The following NOL10 variants were observed in gnomAD, a reference collection of about 807,000 sequenced individuals.
The protein encoded by NOL10 is nucleolar protein 10.
A neutral mutation model predicts 103.5 loss-of-function variants in NOL10; 58 were observed. The observed-to-expected ratio is 0.56, with a 90% CI of 0.45 to 0.70. The LOEUF is 0.70. Ranked by LOEUF, NOL10 falls within the 30% of genes least tolerant of loss-of-function variation. The probability of loss-of-function intolerance (pLI) is 0.00; values close to 1 mark genes in which losing one functional copy is unlikely to be tolerated. For missense variants in NOL10, 763 were observed against 807.3 expected (o/e 0.95, Z 0.67); for synonymous variants, 287 against 282.5 (o/e 1.02, Z -0.16).
At chr2:10,672,067 C>A (rs760035120) in intron 5 of NOL10, among the ~76,000 whole-genome samples, 4 of 152,186 alleles carry the variant, frequency 2.6e-5, no homozygotes, top group South Asian at 4.1e-4. Flanking sequence ...GTGGCTCACA[C>A]CTGTAATCCC....
At chr2:10,635,388 G>C (rs1678134324) in intron 13 of NOL10, among the ~76,000 whole-genome samples, 1 of 152,128 alleles carries the variant, frequency 6.6e-6, no homozygotes, top group Admixed American at 6.6e-5. Context: ...GGACAAATAT[G>C]GTCATTCACT....
chr2:10,668,674 G>A lies in NOL10; in HGVS notation c.514C>T (p.Leu172=). 1.3e-6 allele frequency: 2 copies of A among 1,543,462 alleles called. No homozygotes were observed. The highest frequency in any genetic ancestry group is 1.8e-6 in the Non-Finnish European group (2 of 1,132,726). Residue 172 remains leucine (L), a synonymous_variant, in exon 7 of 21, where the codon CTA becomes TTA. Coordinates refer to ENST00000381685, the MANE Select transcript of NOL10 (RefSeq NM_024894.4). ...NLEQGRYLNP[L]QTDAAENNVC... is the part of the protein sequence containing the mutation. ...ACTACTCACGCAGCATCAGTTTGTA[G>A]AGGATTCAGGTATCGTCCTTGTTCT...
intron 8 of NOL10, among the ~76,000 whole-genome samples, chr2:10,664,612 G>A (rs945447485): frequency 2.6e-5 from 4 of 152,192 alleles, no homozygotes; most frequent in Admixed American, 6.5e-5. Flanking sequence ...CAATCACAGC[G>A]TATTGCAGCC....
intron 10 of NOL10, 82 bp downstream of exon 10, chr2:10,659,090 T>C: frequency 1.1e-6 from 1 of 907,050 alleles, no homozygotes; most frequent in South Asian, 1.4e-5. Context: ...CATTTTCTGT[T>C]CCTGCAGTGT....
intron 20 of NOL10, among the ~76,000 whole-genome samples, chr2:10,572,829 T>A (rs1674249236): frequency 6.6e-6 from 1 of 152,168 alleles, no homozygotes; most frequent in African/African-American, 2.4e-5. Context: ...AATAACCATG[T>A]GGACTCTCGG....
intron 13 of NOL10, among the ~76,000 whole-genome samples, chr2:10,628,245 A>G (rs183395804): frequency 6.6e-6 from 1 of 152,212 alleles, no homozygotes; most frequent in African/African-American, 2.4e-5. Context: ...GCTTTCTCCA[A>G]CTTACCACCA....
At chr2:10,653,347 T>C (rs974688449) in intron 12 of NOL10, among the ~76,000 whole-genome samples, 1 of 152,154 alleles carries the variant, frequency 6.6e-6, no homozygotes, top group Admixed American at 6.5e-5. Flanking sequence ...CACTGTCCTG[T>C]CACCTCCTAA....
intron 16 of NOL10, among the ~76,000 whole-genome samples, 175 bp downstream of exon 16, chr2:10,602,601 C>T (rs1015439444): frequency 6.6e-6 from 1 of 152,064 alleles, no homozygotes; most frequent in African/African-American, 2.4e-5. Flanking sequence ...AGTTTTGCAC[C>T]CTCATGACAA....
intron 14 of NOL10, among the ~76,000 whole-genome samples, chr2:10,605,585 T>C (rs902746755): frequency 1.3e-5 from 2 of 152,210 alleles, no homozygotes; most frequent in African/African-American, 4.8e-5. Context: ...CCTAAACTTA[T>C]ATAACTCCTT....
intron 7 of NOL10, among the ~76,000 whole-genome samples, chr2:10,667,579 G>A (rs1680641065): frequency 6.6e-6 from 1 of 152,124 alleles, no homozygotes; most frequent in Admixed American, 6.6e-5. Flanking sequence ...ATTTTTCAAG[G>A]TATTTTCTTC....
In NOL10 at chr2:10,681,531, G is replaced by A. The variant is rs1463194467; in HGVS notation, c.211+440C>T. ...TGATAGAGCTTTGAGTTACACAAGCGTGTGCATTTGTCAAAACTAACCAAA... is the reference window on the plus strand; with the variant it reads ...TGATAGAGCTTTGAGTTACACAAGCATGTGCATTTGTCAAAACTAACCAAA... On this transcript the variant is annotated intron_variant, in intron 3 of 20. Transcript: ENST00000381685. Among the ~76,000 whole-genome samples the A allele has an allele frequency of 5.3e-5, 8 of 152,300 alleles. No individual in the cohort carries two copies. In the South Asian group the frequency reaches 1.0e-3, roughly 20 times the overall value.
chr2:10,595,807 G>A (rs1236923001), intron 17 of NOL10, among the ~76,000 whole-genome samples: 1 of 151,768 alleles, frequency 6.6e-6, no homozygotes, highest in African/African-American at 2.4e-5. Context: ...GTTTCACTGT[G>A]TTGGCCAGAG....
intron 4 of NOL10, among the ~76,000 whole-genome samples, chr2:10,674,489 A>G (rs891763898): frequency 1.3e-5 from 2 of 152,182 alleles, no homozygotes; most frequent in African/African-American, 2.4e-5. Context: ...CATTGCTCCC[A>G]TGATTACATT....
intron 3 of NOL10, 80 bp downstream of exon 3, chr2:10,681,891 G>GT: frequency 1.9e-6 from 1 of 539,968 alleles, no homozygotes. Flanking sequence ...AAATATTAGG[G>GT]TTAAAAAAAA....
chr2:10,658,291 G>A (rs992023452), intron 10 of NOL10, among the ~76,000 whole-genome samples: 2 of 152,216 alleles, frequency 1.3e-5, no homozygotes, highest in Non-Finnish European at 2.9e-5. Flanking sequence ...TGGTGGCAAG[G>A]CTATGACTTC....
chr2:10,641,854 C>T (rs1393940033), intron 13 of NOL10, among the ~76,000 whole-genome samples: 1 of 152,124 alleles, frequency 6.6e-6, no homozygotes, highest in African/African-American at 2.4e-5. Context: ...CTCCATAACG[C>T]GGCTCTCCAG....
intron 13 of NOL10, among the ~76,000 whole-genome samples, chr2:10,619,892 T>C (rs1677038128): frequency 6.6e-6 from 1 of 152,234 alleles, no homozygotes; most frequent in African/African-American, 2.4e-5. Flanking sequence ...TTCCAGACTT[T>C]GCAATAACAA....
chr2:10,593,167 C>A (rs549764205), intron 17 of NOL10, among the ~76,000 whole-genome samples: 2 of 149,074 alleles, frequency 1.3e-5, no homozygotes, highest in East Asian at 3.9e-4. Context: ...GAGATGGGGT[C>A]TTGCTCTGTC....
At chr2:10,587,989 C>A (rs1292210032) in intron 19 of NOL10, among the ~76,000 whole-genome samples, 3 of 152,182 alleles carry the variant, frequency 2.0e-5, no homozygotes, top group Non-Finnish European at 4.4e-5. Flanking sequence ...GCTCCCTTGG[C>A]TCCCCAGACA....
Sources: allele counts gnomAD v4.1 joint callset (sites outside exome capture counted in the v4.1 genomes callset), GRCh38; gene constraint gnomAD v4.1.1; transcripts MANE v1.5; gene names NCBI Gene and HGNC (gene_info 2026-07-23, HGNC 2026-07-21).